Variants in TTLL11 observed in about 807,000 individuals in gnomAD.
TTLL11 encodes tubulin tyrosine ligase like 11, also known as tubulin polyglutamylase TTLL11.
In TTLL11, 42 loss-of-function variants were observed where a neutral mutation model predicts 51.7. The ratio of observed to expected loss-of-function variants is 0.81; its 90% confidence interval spans 0.64 to 1.05. TTLL11 has a LOEUF of 1.05. TTLL11 is among the 50% of genes least tolerant of loss of function. The pLI, the probability that TTLL11 is intolerant of heterozygous loss-of-function variation, is 0.00. For missense variants in TTLL11, 799 were observed against 940.4 expected, an observed-to-expected ratio of 0.85 and a Z score of 1.97; for synonymous variants, 381 against 383.5, an observed-to-expected ratio of 0.99 and a Z score of 0.08.
intron 6 of TTLL11, among the ~76,000 whole-genome samples, chr9:121,966,822 A>G (rs1375998644): frequency 6.6e-6 from 1 of 152,150 alleles, no homozygotes; most frequent in Non-Finnish European, 1.5e-5. Flanking sequence ...TAGCTTCCCC[A>G]TGTATGATTC....
intron 7 of TTLL11, among the ~76,000 whole-genome samples, chr9:121,867,138 G>A (rs1269670860): frequency 6.6e-6 from 1 of 152,102 alleles, no homozygotes; most frequent in Admixed American, 6.5e-5. Flanking sequence ...CTCTTAATAG[G>A]TACCTCCTTC....
intron 5 of TTLL11, 103 bp downstream of exon 5, chr9:121,974,781 A>G (rs755636294): frequency 6.3e-6 from 6 of 947,272 alleles, no homozygotes; most frequent in Non-Finnish European, 9.5e-6. Flanking sequence ...TTTGGCTATG[A>G]AAATCTGAGA....
intron 6 of TTLL11, among the ~76,000 whole-genome samples, chr9:121,938,214 G>A (rs1172318422): frequency 2.0e-5 from 3 of 151,390 alleles, no homozygotes; most frequent in Non-Finnish European, 2.9e-5. Context: ...ACTTGAACCC[G>A]GGATGCAGAG....
intron 3 of TTLL11, among the ~76,000 whole-genome samples, chr9:122,013,300 T>C (rs556520697): frequency 6.6e-6 from 1 of 152,324 alleles, no homozygotes; most frequent in African/African-American, 2.4e-5. Context: ...AGTACAGGAT[T>C]GGGATCAGAG....
chr9:122,080,629 G>C (rs781061869), intron 1 of TTLL11, among the ~76,000 whole-genome samples: 1 of 152,008 alleles, frequency 6.6e-6, no homozygotes, highest in African/African-American at 2.4e-5. Flanking sequence ...GGAGTTCAAG[G>C]GTGCAGTGAG....
chr9:121,965,387 G>A (rs539796682), intron 6 of TTLL11, among the ~76,000 whole-genome samples: 1 of 152,346 alleles, frequency 6.6e-6, no homozygotes, highest in African/African-American at 2.4e-5. Context: ...TCTTCACAAG[G>A]TGGCAGGAAA....
chr9:121,887,933 G>A (rs1405339145), intron 6 of TTLL11, among the ~76,000 whole-genome samples: 1 of 152,092 alleles, frequency 6.6e-6, no homozygotes, highest in Non-Finnish European at 1.5e-5. Context: ...ACCCAGTGGG[G>A]GTCTGGAGTG....
intron 8 of TTLL11, among the ~76,000 whole-genome samples, chr9:121,826,400 G>C: frequency 8.3e-6 from 1 of 120,506 alleles, no homozygotes; most frequent in African/African-American, 3.1e-5. Context: ...TATATATATG[G>C]GTTTATATAT....
chr9:121,862,373 C>T (rs971892428), intron 7 of TTLL11, among the ~76,000 whole-genome samples: 5 of 152,202 alleles, frequency 3.3e-5, no homozygotes, highest in African/African-American at 1.2e-4. Flanking sequence ...TACCTGCCCA[C>T]ATGGTTGTGA....
chr9:121,838,785 C>A (rs866930608), intron 8 of TTLL11, among the ~76,000 whole-genome samples: 4 of 132,402 alleles, frequency 3.0e-5, no homozygotes, highest in African/African-American at 1.4e-4. Flanking sequence ...AGCAAGAAAG[C>A]AAGCAAGCAA....
At chr9:121,865,366 G>T (rs947492884) in intron 7 of TTLL11, among the ~76,000 whole-genome samples, 2 of 152,296 alleles carry the variant, frequency 1.3e-5, no homozygotes, top group Admixed American at 6.5e-5. Flanking sequence ...GGAGGCCCAG[G>T]ATCAGAAGCC....
intron 1 of TTLL11, among the ~76,000 whole-genome samples, chr9:122,048,987 A>T (rs1374994315): frequency 1.3e-5 from 2 of 151,944 alleles, no homozygotes; most frequent in African/African-American, 2.4e-5. Flanking sequence ...TGAGGTCATA[A>T]ATTCCTTTGA....
intron 8 of TTLL11, among the ~76,000 whole-genome samples, chr9:121,831,861 A>G (rs977814233): frequency 3.9e-5 from 6 of 152,140 alleles, no homozygotes; most frequent in African/African-American, 1.2e-4. Context: ...GCAAAATACC[A>G]TAGCCTGGGT....
At chr9:122,056,052 T>C (rs1845284193) in intron 1 of TTLL11, among the ~76,000 whole-genome samples, 1 of 152,224 alleles carries the variant, frequency 6.6e-6, no homozygotes, top group Non-Finnish European at 1.5e-5. Flanking sequence ...ATTCTGCAAA[T>C]CTGCAAGGGG....
intron 6 of TTLL11, among the ~76,000 whole-genome samples, chr9:121,889,568 T>C (rs1478039982): frequency 6.6e-6 from 1 of 152,004 alleles, no homozygotes; most frequent in Non-Finnish European, 1.5e-5. Context: ...CCACTCTACT[T>C]TCTGACTCTA....
chr9:121,864,309 G>A (rs1838114794), intron 7 of TTLL11, among the ~76,000 whole-genome samples: 1 of 152,158 alleles, frequency 6.6e-6, no homozygotes, highest in African/African-American at 2.4e-5. Flanking sequence ...CTTAATCATT[G>A]AGAACAGTTT....
intron 1 of TTLL11, among the ~76,000 whole-genome samples, chr9:122,048,364 G>A (rs549496447): frequency 8.4e-4 from 128 of 152,112 alleles, no homozygotes; most frequent in Admixed American, 2.4e-3. Context: ...TCAGAGTTGC[G>A]CTATGTTGCC....
At chr9:121,878,568 A>G (rs1302363575) in intron 6 of TTLL11, among the ~76,000 whole-genome samples, 1 of 152,164 alleles carries the variant, frequency 6.6e-6, no homozygotes, top group Non-Finnish European at 1.5e-5. Flanking sequence ...CAGGCGACGC[A>G]TTAACTGAAG....
intron 4 of TTLL11, among the ~76,000 whole-genome samples, chr9:121,975,876 G>A (rs1374623737): frequency 1.3e-5 from 2 of 152,128 alleles, no homozygotes; most frequent in East Asian, 3.9e-4. Flanking sequence ...CACCTACTAG[G>A]CACCCATTAC....
Sources: gnomAD v4.1 joint callset for allele counts (sites outside exome capture counted in the v4.1 genomes callset) on GRCh38, gnomAD v4.1.1 for gene constraint, MANE v1.5 for transcripts, NCBI Gene and HGNC (gene_info 2026-07-23, HGNC 2026-07-21) for gene names.